Variants in KCTD5 observed in about 807,000 individuals in gnomAD.
The protein encoded by KCTD5 is potassium channel tetramerization domain containing 5.
A neutral mutation model predicts 27.9 loss-of-function variants in KCTD5; 12 were observed. The observed-to-expected ratio is 0.43, with a 90% CI of 0.28 to 0.70. The LOEUF (loss-of-function observed/expected upper bound fraction) is 0.70. Ranked by LOEUF, KCTD5 falls within the 30% of genes least tolerant of loss-of-function variation. The probability of loss-of-function intolerance (pLI) is 0.19; values close to 1 mark genes in which losing one functional copy is unlikely to be tolerated. For synonymous variants in KCTD5, 147 were observed against 121.4 expected, an observed-to-expected ratio of 1.21 and a Z score of -1.39; for missense variants, 226 against 274.8, an observed-to-expected ratio of 0.82 and a Z score of 1.26.
intron 3 of KCTD5, 94 bp from the exon 4 acceptor site, chr16:2,699,726 GT>G (rs1326436223): frequency 9.1e-7 from 1 of 1,098,358 alleles, no homozygotes; most frequent in Non-Finnish European, 1.4e-6. Context: ...GAACTGCAGA[GT>G]GGACCTCAGC....
chr16:2,693,544 C>T (rs1309571108), intron 1 of KCTD5, among the ~76,000 whole-genome samples: 2 of 152,256 alleles, frequency 1.3e-5, no homozygotes, highest in African/African-American at 4.8e-5. Flanking sequence ...CCTGCCGGCT[C>T]CTTGGACCTG....
chr16:2,686,663 C>CCGTT (rs1439313609), intron 1 of KCTD5, among the ~76,000 whole-genome samples: 1 of 107,142 alleles, frequency 9.3e-6, no homozygotes, highest in East Asian at 2.5e-4. Context: ...TTGAACAGGG[C>CCGTT]CGTTGTCCCG....
At chr16:2,703,419 A>C (rs2142059249) in intron 5 of KCTD5, among the ~76,000 whole-genome samples, 1 of 152,208 alleles carries the variant, frequency 6.6e-6, no homozygotes, top group East Asian at 1.9e-4. Context: ...GGGCATTGGC[A>C]AAGGGTGTTG....
chr16:2,706,356 G>A (rs1275141378), intron 5 of KCTD5, among the ~76,000 whole-genome samples: 1 of 152,224 alleles, frequency 6.6e-6, no homozygotes, highest in Non-Finnish European at 1.5e-5. Flanking sequence ...GAGGGCGTGG[G>A]CGTTGCTGCC....
rs2067522134 is a variant in KCTD5 at position 2,682,553 on chromosome 16, C to T, written c.5C>T (p.Ala2Val). ...GTTGCGGGGCTTGCTGGGATCATGG[C>T]GGAGAATCACTGCGAGCTCCTGTCG... M[A>V]ENHCELLSPA... The change falls in exon 1 of 6, where the codon GCG becomes GTG. Residue 2 changes from alanine (A) to valine (V), a missense_variant. By Grantham distance (64) the Ala-to-Val change is moderately conservative. Coordinates refer to ENST00000301738, the MANE Select transcript of KCTD5 (RefSeq NM_018992.4). 3 of 1,406,628 alleles carry T rather than the reference C, an allele frequency of 2.1e-6. No individual in the cohort carries two copies. Among genetic ancestry groups the T allele is most frequent in the Non-Finnish European group, 1.8e-6 (2 of 1,083,664 alleles). The allele number at this position is 1,406,628 out of a possible 1,614,324, so 87.1% of individuals were successfully genotyped here.
intron 1 of KCTD5, among the ~76,000 whole-genome samples, chr16:2,693,481 C>T (rs901057198): frequency 2.0e-5 from 3 of 152,238 alleles, no homozygotes; most frequent in South Asian, 2.1e-4. Context: ...CGGCAGCGGC[C>T]TACCCCTGCC....
At chr16:2,707,225 T>C (rs1285469827) in intron 5 of KCTD5, 73 bp from the exon 6 acceptor site, 3 of 1,474,764 alleles carry the variant, frequency 2.0e-6, no homozygotes, top group Non-Finnish European at 2.8e-6. Context: ...GGGCTCTGTT[T>C]TCTGGAGCAG....
chr16:2,699,000 T>G (rs1159696375), intron 3 of KCTD5, among the ~76,000 whole-genome samples: 1 of 152,210 alleles, frequency 6.6e-6, no homozygotes, highest in Non-Finnish European at 1.5e-5. Flanking sequence ...TGTGACACAG[T>G]AGCATCTCAC....
chr16:2,684,755 A>AC (rs2067532910), intron 1 of KCTD5: 1 of 146,766 alleles, frequency 6.8e-6, no homozygotes, highest in African/African-American at 2.6e-5. Flanking sequence ...AAAGAGCAAG[A>AC]CTCCATCACA....
chr16:2,683,110 G>A (rs1045902229), intron 1 of KCTD5: 4 of 316,208 alleles, frequency 1.3e-5, no homozygotes, highest in African/African-American at 2.2e-5. Flanking sequence ...GGACTTTGCT[G>A]TGATTCTACT....
In KCTD5 at chr16:2,705,005, CTG is replaced by C. The variant is rs2067628855; in HGVS notation, c.676-2287_676-2286del. ...CTGAGATGTGGCAGAGCCCCTGAGC[CTG>C]TGTGTCCCCTCGTGGCGTGGCCTCA... On this transcript the variant is annotated intron_variant, in intron 5 of 5. Transcript: ENST00000301738. Among the ~76,000 whole-genome samples, 3 of 152,352 alleles carry C rather than the reference CTG, an allele frequency of 2.0e-5. 1 individual carries two copies. The East Asian group carries it at 5.8e-4, about 29-fold the overall frequency.
intron 5 of KCTD5, among the ~76,000 whole-genome samples, chr16:2,702,709 C>A (rs1366158738): frequency 5.3e-5 from 8 of 152,144 alleles, no homozygotes; most frequent in African/African-American, 1.9e-4. Context: ...CTGGAAGGGG[C>A]CCCAGGCCTG....
intron 5 of KCTD5, among the ~76,000 whole-genome samples, chr16:2,703,932 C>T (rs1044190304): frequency 1.3e-5 from 2 of 152,194 alleles, no homozygotes; most frequent in African/African-American, 4.8e-5. Flanking sequence ...ACTTCTCTTC[C>T]TCTTGGAGCA....
At chr16:2,695,467 C>G (rs2067583149) in intron 1 of KCTD5, among the ~76,000 whole-genome samples, 1 of 126,126 alleles carries the variant, frequency 7.9e-6, no homozygotes, top group Non-Finnish European at 1.7e-5. Context: ...ACCCTGACCC[C>G]CGGTTCCTGC....
In KCTD5 at chr16:2,697,756, G is replaced by T. The variant is rs913918672; in HGVS notation, c.362-150G>T. On this transcript the variant is annotated intron_variant, in intron 2 of 5. Transcript: ENST00000301738. ...TGCTGGGCTGACACGTCTGCAGGAA[G>T]CCTGTTAGGTCGGGGCCTGAGCAGC... 1.6e-5 allele frequency: 10 copies of T among 615,124 alleles called. 1 individual carries two copies. Among genetic ancestry groups the T allele is most frequent in the South Asian group, 9.4e-5 (5 of 53,074 alleles). The allele number at this position is 615,124 out of a possible 1,614,324, so 38.1% of individuals were successfully genotyped here. A position where few individuals can be genotyped will look rare whatever the true frequency, so the allele number is the denominator to read the frequency against.
intron 1 of KCTD5, among the ~76,000 whole-genome samples, chr16:2,685,315 C>G (rs1480497425): frequency 1.3e-5 from 2 of 152,054 alleles, no homozygotes; most frequent in Non-Finnish European, 2.9e-5. Context: ...GTACTCCCAG[C>G]TACTCGGGAG....
At chr16:2,703,159 C>G (rs994254617) in intron 5 of KCTD5, among the ~76,000 whole-genome samples, 1 of 152,192 alleles carries the variant, frequency 6.6e-6, no homozygotes, top group Non-Finnish European at 1.5e-5. Flanking sequence ...GCCCTGTGGC[C>G]CTGCCCACAG....
intron 5 of KCTD5, among the ~76,000 whole-genome samples, chr16:2,702,723 CA>C (rs983322202): frequency 1.3e-5 from 2 of 152,180 alleles, no homozygotes; most frequent in Admixed American, 6.5e-5. Context: ...AGGCCTGCTG[CA>C]GGGGCCATGC....
intron 5 of KCTD5, among the ~76,000 whole-genome samples, chr16:2,704,620 G>A (rs571013365): frequency 1.4e-4 from 21 of 152,366 alleles, no homozygotes; most frequent in African/African-American, 5.0e-4. Flanking sequence ...CACCTGGGCA[G>A]AGGCCGGGGT....
Sources: allele counts gnomAD v4.1 joint callset (sites outside exome capture counted in the v4.1 genomes callset), GRCh38; gene constraint gnomAD v4.1.1; transcripts MANE v1.5; gene names NCBI Gene and HGNC (gene_info 2026-07-23, HGNC 2026-07-21).